Variants in CDH13 observed in about 807,000 individuals in gnomAD.
The protein encoded by CDH13 is cadherin 13, also known as cadherin-13.
In CDH13, 24 loss-of-function variants were observed where a neutral mutation model predicts 63.8. That is an observed-to-expected ratio of 0.38 (90% CI 0.27 to 0.53). The LOEUF (loss-of-function observed/expected upper bound fraction) is 0.53. Among genes scored for constraint, CDH13 ranks in the 20% least tolerant of loss-of-function variants. The probability of loss-of-function intolerance (pLI) is 0.85; values close to 1 mark genes in which losing one functional copy is unlikely to be tolerated. For missense variants in CDH13, 1,049 were observed against 903.1 expected (o/e 1.16, Z -2.07); for synonymous variants, 503 against 355.3 (o/e 1.42, Z -4.67).
intron 13 of CDH13, among the ~76,000 whole-genome samples, chr16:83,786,031 G>A (rs1184129637): frequency 1.3e-5 from 2 of 152,268 alleles, no homozygotes; most frequent in East Asian, 1.9e-4. Flanking sequence ...GTTTGCTACC[G>A]ATGGTGCCAG....
chr16:82,755,546 C>G (rs556598897), intron 1 of CDH13, among the ~76,000 whole-genome samples: 90 of 152,344 alleles, frequency 5.9e-4, no homozygotes, highest in South Asian at 1.4e-3. Flanking sequence ...TGTTTTAAAA[C>G]TTACATTGTA....
At chr16:83,555,909 G>A (rs1351706402) in intron 7 of CDH13, among the ~76,000 whole-genome samples, 1 of 152,160 alleles carries the variant, frequency 6.6e-6, no homozygotes, top group East Asian at 1.9e-4. Context: ...AGCTTCTTAT[G>A]CTTTTTCAAT....
At chr16:83,161,627 A>C (rs1048983199) in intron 4 of CDH13, among the ~76,000 whole-genome samples, 8 of 152,036 alleles carry the variant, frequency 5.3e-5, no homozygotes, top group South Asian at 2.1e-4. Flanking sequence ...CAAACCACCA[A>C]CATTTCCCTC....
intron 6 of CDH13, among the ~76,000 whole-genome samples, chr16:83,356,128 A>G (rs886298636): frequency 1.3e-5 from 2 of 151,970 alleles, no homozygotes; most frequent in Non-Finnish European, 2.9e-5. Context: ...TTCACCCGTG[A>G]TGATGTTGCA....
chr16:83,084,561 C>T (rs1471458038), intron 3 of CDH13, among the ~76,000 whole-genome samples: 3 of 152,068 alleles, frequency 2.0e-5, no homozygotes, highest in Non-Finnish European at 4.4e-5. Context: ...TTAGAGATAC[C>T]TTTGGCTGCA....
At chr16:83,479,534 G>A (rs1325099213) in intron 6 of CDH13, among the ~76,000 whole-genome samples, 1 of 152,118 alleles carries the variant, frequency 6.6e-6, no homozygotes, top group Admixed American at 6.5e-5. Context: ...GCAGACACCT[G>A]TAGTCCCAGC....
intron 3 of CDH13, among the ~76,000 whole-genome samples, chr16:83,105,748 C>T (rs12935267): frequency 0.38 from 58,273 of 152,168 alleles, 12,704 homozygotes; most frequent in Middle Eastern, 0.58. Context: ...AAATCATCAT[C>T]TAACCTGTAC....
chr16:83,160,451 G>A (rs547377591), intron 4 of CDH13, among the ~76,000 whole-genome samples: 16 of 152,164 alleles, frequency 1.1e-4, no homozygotes, highest in Non-Finnish European at 2.1e-4. Flanking sequence ...TGGAGATGAA[G>A]GGTGGGAGCT....
chr16:82,750,560 A>T lies in CDH13; in HGVS notation c.46-107802A>T, dbSNP rs556200352. Among the ~76,000 whole-genome samples the T allele has an allele frequency of 2.6e-5, 4 of 152,344 alleles. No homozygotes were observed. The East Asian group carries it at 7.7e-4, about 29-fold the overall frequency. ...ACATAGACTGAAGAAGGTTCCAAGG[A>T]CTTTTCTGAAAGCTGAGCCCATTTT... is the stretch of plus-strand genomic sequence containing the variant. On this transcript the variant is annotated intron_variant, in intron 1 of 13. Transcript: ENST00000567109.
intron 10 of CDH13, among the ~76,000 whole-genome samples, chr16:83,715,670 C>T (rs1352572508): frequency 1.3e-5 from 2 of 149,076 alleles, no homozygotes; most frequent in Non-Finnish European, 3.0e-5. Flanking sequence ...CAGGCGGGTC[C>T]CTCAGGGGAG....
intron 5 of CDH13, among the ~76,000 whole-genome samples, chr16:83,246,025 C>A (rs1294250802): frequency 2.0e-5 from 3 of 152,252 alleles, no homozygotes; most frequent in Non-Finnish European, 2.9e-5. Flanking sequence ...GTGTGAACCA[C>A]TGCGCCTGGC....
rs184668667 is a variant in CDH13 at position 82,791,306 on chromosome 16, G to A, written c.46-67056G>A. On this transcript the variant is annotated intron_variant, in intron 1 of 13. Transcript: ENST00000567109. ...GGTGACCACACCCACTTTTAAACAC[G>A]GGGCTTGTAACTCAGCTCACACCCA... 3.0e-3 allele frequency among the ~76,000 whole-genome samples: 456 copies of A among 151,872 alleles called. 2 individuals are homozygous for A. Among genetic ancestry groups the A allele is most frequent in the Non-Finnish European group, 5.3e-3 (361 of 67,984 alleles).
intron 5 of CDH13, among the ~76,000 whole-genome samples, chr16:83,311,382 CA>C (rs1252420896): frequency 3.9e-5 from 6 of 152,162 alleles, no homozygotes. Context: ...TACCAGAGCC[CA>C]GCTACACATA....
chr16:82,842,512 A>G lies in CDH13; in HGVS notation c.46-15850A>G, dbSNP rs924079095. 2.0e-5 allele frequency among the ~76,000 whole-genome samples: 3 copies of G among 152,040 alleles called. No homozygotes were observed. The South Asian group carries it at 6.2e-4, about 32-fold the overall frequency. On this transcript the variant is annotated intron_variant, in intron 1 of 13. Transcript: ENST00000567109. ...AGTTGTCCAGAACAGTGCTTTCTCC[A>G]GTGACCTTACTCACCCCTCCATGAG...
At chr16:83,542,181 C>T (rs1303868834) in intron 7 of CDH13, among the ~76,000 whole-genome samples, 1 of 152,150 alleles carries the variant, frequency 6.6e-6, no homozygotes, top group Admixed American at 6.5e-5. Flanking sequence ...GGTGCACATA[C>T]TAATATTTGA....
chr16:82,938,540 AG>A (rs1309521467), intron 2 of CDH13, among the ~76,000 whole-genome samples: 2 of 152,214 alleles, frequency 1.3e-5, no homozygotes, highest in East Asian at 3.9e-4. Context: ...CAGCATCAGC[AG>A]GGGCCTTCTG....
At chr16:83,530,125 T>G (rs1331299556) in intron 7 of CDH13, among the ~76,000 whole-genome samples, 1 of 152,206 alleles carries the variant, frequency 6.6e-6, no homozygotes, top group Non-Finnish European at 1.5e-5. Flanking sequence ...TGCTGGCCCT[T>G]GAAGAGGTTC....
At chr16:83,044,109 G>T (rs1234636801) in intron 3 of CDH13, among the ~76,000 whole-genome samples, 1 of 152,154 alleles carries the variant, frequency 6.6e-6, no homozygotes, top group Non-Finnish European at 1.5e-5. Context: ...TTTGGCCTTA[G>T]AGCCCCTCAC....
rs568792894 is a variant in CDH13, at chr16:82,808,514, G to T, written c.46-49848G>T. On this transcript the variant is annotated intron_variant, in intron 1 of 13. Transcript: ENST00000567109. ...GACAGGAAGGAGAGGTGTAAACAGA[G>T]CTCGTGAACACACATGAAAAGGCAA... is the stretch of plus-strand genomic sequence containing the variant. Among the ~76,000 whole-genome samples, 24 of 152,270 alleles carry T rather than the reference G, an allele frequency of 1.6e-4. No individual in the cohort carries two copies. In the South Asian group the frequency reaches 4.6e-3, roughly 29 times the overall value.
Sources: allele counts gnomAD v4.1 joint callset (sites outside exome capture counted in the v4.1 genomes callset), GRCh38; gene constraint gnomAD v4.1.1; transcripts MANE v1.5; gene names NCBI Gene and HGNC (gene_info 2026-07-23, HGNC 2026-07-21).